ABAT: variants seen among roughly 807,000 people sequenced by gnomAD.
The protein encoded by ABAT is 4-aminobutyrate aminotransferase, mitochondrial.
Under a neutral mutation model 64.6 loss-of-function variants are expected in ABAT, and 45 were observed. That is an observed-to-expected ratio of 0.70 (90% CI 0.55 to 0.89). ABAT has a LOEUF of 0.89. Among genes scored for constraint, ABAT ranks in the 40% least tolerant of loss-of-function variants. The pLI, the probability that ABAT is intolerant of heterozygous loss-of-function variation, is 0.00. For missense variants in ABAT, 633 were observed against 658.4 expected, an observed-to-expected ratio of 0.96 and a Z score of 0.42; for synonymous variants, 297 against 250.5, an observed-to-expected ratio of 1.19 and a Z score of -1.75.
Position 8,764,852 on chromosome 16 carries a change from C to T in ABAT, c.540+22C>T. 6.3e-7 allele frequency: 1 copy of T among 1,587,124 alleles called. No individual in the cohort carries two copies. The highest frequency in any genetic ancestry group is 8.7e-7 in the Non-Finnish European group (1 of 1,155,874). ...CCGGGTGAGGTTTGGGGCACACACA[C>T]ACACACACACACAGGCTCCCCAGCA... On this transcript the variant is annotated intron_variant, in intron 8 of 15. Coordinates refer to ENST00000268251, the MANE Select transcript of ABAT (RefSeq NM_020686.6). The surrounding 1 kb of genome is among the most constrained non-coding windows in gnomAD (Gnocchi z 4.2).
intron 11 of ABAT, among the ~76,000 whole-genome samples, chr16:8,772,473 C>T (rs1252609761): frequency 1.3e-5 from 2 of 152,226 alleles, no homozygotes; most frequent in Admixed American, 6.5e-5. Context: ...CAGTCCTCTC[C>T]ACGACCCTGG....
chr16:8,776,595 G>C lies in ABAT; in HGVS notation c.1269+105G>C. The C allele has an allele frequency of 7.9e-7, 1 of 1,268,564 alleles. No individual in the cohort carries two copies. Among genetic ancestry groups the C allele is most frequent in the South Asian group, 1.3e-5 (1 of 77,878 alleles). The allele number at this position is 1,268,564 out of a possible 1,614,324, so 78.6% of individuals were successfully genotyped here. On this transcript the variant is annotated intron_variant, in intron 14 of 15. Coordinates refer to ENST00000268251, the MANE Select transcript of ABAT (RefSeq NM_020686.6). This position sits in a 1 kb window ranked among gnomAD's most constrained non-coding sequence, Gnocchi z 4.4. ...GCATGGTGTTGTGCCTGCTGTTCCA[G>C]CAGTTCGTAACGGGCTGTGCTGCTC...
intron 4 of ABAT, among the ~76,000 whole-genome samples, chr16:8,749,959 C>A (rs1463047971): frequency 1.3e-5 from 2 of 152,180 alleles, no homozygotes; most frequent in Non-Finnish European, 2.9e-5. Flanking sequence ...AAATGATCCA[C>A]CTGCCTCGGC....
intron 1 of ABAT, among the ~76,000 whole-genome samples, chr16:8,684,938 G>C (rs1191252950): frequency 6.6e-6 from 1 of 152,130 alleles, no homozygotes; most frequent in Non-Finnish European, 1.5e-5. Context: ...GGCAGAATTT[G>C]CTTGTCTATC....
At chr16:8,698,141 G>C (rs1440683663) in intron 1 of ABAT, among the ~76,000 whole-genome samples, 1 of 152,184 alleles carries the variant, frequency 6.6e-6, no homozygotes, top group Non-Finnish European at 1.5e-5. Context: ...CCAAAATCCA[G>C]AGATCAGTAG....
intron 11 of ABAT, among the ~76,000 whole-genome samples, chr16:8,771,884 CCT>C (rs2060120501): frequency 6.6e-6 from 1 of 151,974 alleles, no homozygotes; most frequent in Admixed American, 6.6e-5. Flanking sequence ...CCCACCTCAG[CCT>C]CTCAAGTAGC....
chr16:8,755,761 A>G (rs117814516), intron 5 of ABAT, among the ~76,000 whole-genome samples: 6,462 of 150,808 alleles, frequency 0.043, 203 homozygotes, highest in Middle Eastern at 0.16. Context: ...AAATACAAAA[A>G]AATTGTGGCT....
intron 5 of ABAT, among the ~76,000 whole-genome samples, chr16:8,753,092 C>CTTT (rs768032745): frequency 3.1e-5 from 4 of 127,568 alleles, no homozygotes; most frequent in Admixed American, 8.1e-5. Flanking sequence ...CAAGCTTATT[C>CTTT]TTTTTTTTTT....
chr16:8,770,444 T>G (rs1363533302), intron 11 of ABAT, among the ~76,000 whole-genome samples: 2 of 148,820 alleles, frequency 1.3e-5, no homozygotes, highest in Admixed American at 1.3e-4. Context: ...CCTTCTTTTC[T>G]TTTGTTTTGT....
chr16:8,769,901 C>T (rs1424186443), intron 11 of ABAT, among the ~76,000 whole-genome samples: 2 of 152,014 alleles, frequency 1.3e-5, no homozygotes, highest in Non-Finnish European at 2.9e-5. Flanking sequence ...TTCTTAGGCA[C>T]ATCATCATTT....
rs200627621 is a variant in ABAT, at chr16:8,764,779, C to T, written c.489C>T (p.Cys163=). Residue 163 remains cysteine (C), a synonymous_variant, in exon 8 of 16, where the codon TGC becomes TGT. Transcript: ENST00000268251. This position sits in a 1 kb window ranked among gnomAD's most constrained non-coding sequence, Gnocchi z 4.2. The part of the protein sequence containing the change: ...KGMSQLITMA[C]GSCSNENALK... ...TGTCCCAGCTCATCACCATGGCCTG[C>T]GGCTCCTGCTCCAATGAAAACGCCT... is the stretch of plus-strand genomic sequence containing the variant. The T allele has an allele frequency of 8.8e-5, 142 of 1,613,960 alleles. No individual in the cohort carries two copies. The highest frequency in any genetic ancestry group is 1.6e-4 in the Middle Eastern group (1 of 6,084).
intron 11 of ABAT, among the ~76,000 whole-genome samples, chr16:8,771,010 G>GA (rs2060089699): frequency 2.0e-5 from 3 of 152,094 alleles, no homozygotes; most frequent in Admixed American, 2.0e-4. Flanking sequence ...TAAAAACAAA[G>GA]AAAAACCGGG....
chr16:8,688,865 C>T (rs2057516741), intron 1 of ABAT, among the ~76,000 whole-genome samples: 1 of 152,186 alleles, frequency 6.6e-6, no homozygotes, highest in African/African-American at 2.4e-5. Flanking sequence ...ATCACGAGGT[C>T]AGGAGTTCGA....
At chr16:8,710,727 A>AGAGAGAGAGAGGGAGG (rs146344975) in intron 1 of ABAT, among the ~76,000 whole-genome samples, 8 of 103,754 alleles carry the variant, frequency 7.7e-5, no homozygotes, top group South Asian at 4.0e-4. Context: ...AGAGAGAGAG[A>AGAGAGAGAGAGGGAGG]GAGGAAATAG....
At chr16:8,768,668 TAA>T (rs1339831954) in intron 10 of ABAT, among the ~76,000 whole-genome samples, 155 bp from the exon 11 acceptor site, 3 of 152,000 alleles carry the variant, frequency 2.0e-5, no homozygotes, top group Non-Finnish European at 4.4e-5. Flanking sequence ...CCAGAAAAAT[TAA>T]AAATTAAACG....
chr16:8,723,396 C>T (rs1302987176), intron 1 of ABAT, among the ~76,000 whole-genome samples: 1 of 152,160 alleles, frequency 6.6e-6, no homozygotes, highest in African/African-American at 2.4e-5. Context: ...ATCATTGGTG[C>T]TTCAGGCTTC....
intron 1 of ABAT, among the ~76,000 whole-genome samples, chr16:8,704,668 A>T (rs1183408719): frequency 6.6e-6 from 1 of 152,150 alleles, no homozygotes; most frequent in Non-Finnish European, 1.5e-5. Context: ...CAGACTGCAT[A>T]TACAATTTTA....
At chr16:8,735,972 A>T (rs2058916263) in intron 2 of ABAT, 163 bp downstream of exon 2, 1 of 648,924 alleles carries the variant, frequency 1.5e-6, no homozygotes, top group African/African-American at 1.8e-5. Flanking sequence ...TAATAAAGGT[A>T]CACCTGAGAC....
intron 1 of ABAT, among the ~76,000 whole-genome samples, chr16:8,691,152 C>T (rs1472314750): frequency 6.6e-6 from 1 of 152,158 alleles, no homozygotes; most frequent in East Asian, 1.9e-4. Context: ...TACAGCCACA[C>T]CTCCTCTGTT....
Sources: allele counts gnomAD v4.1 joint callset (sites outside exome capture counted in the v4.1 genomes callset), GRCh38; gene constraint gnomAD v4.1.1; non-coding constraint Gnocchi (gnomAD v3.1); transcripts MANE v1.5; gene names NCBI Gene and HGNC (gene_info 2026-07-23, HGNC 2026-07-21).